The following GPHN variants were observed in gnomAD, a reference collection of about 807,000 sequenced individuals.
GPHN encodes the protein gephyrin.
A neutral mutation model predicts 95.5 loss-of-function variants in GPHN; 17 were observed. The ratio of observed to expected loss-of-function variants is 0.18; its 90% confidence interval spans 0.12 to 0.27. The LOEUF is 0.27. Ranked by LOEUF, GPHN falls within the 10% of genes least tolerant of loss-of-function variation. GPHN has a pLI of 1.00. For synonymous variants in GPHN, 320 were observed against 322.5 expected, an observed-to-expected ratio of 0.99 and a Z score of 0.08; for missense variants, 660 against 978.1, an observed-to-expected ratio of 0.67 and a Z score of 4.34.
chr14:67,503,471 A>G, the GPHN span: 110,721 of 152,088 alleles, frequency 0.73, 42,143 homozygotes, highest in Non-Finnish European at 0.85. Flanking sequence ...ATGACAGGGC[A>G]AAGGACGTCA....
the GPHN span, chr14:67,446,146 C>G: frequency 1.3e-5 from 6 of 459,026 alleles, no homozygotes; most frequent in African/African-American, 2.0e-5. Flanking sequence ...CCAGTTTTAG[C>G]TTGGCTTTTT....
intron 1 of GPHN, among the ~76,000 whole-genome samples, chr14:66,649,386 C>T (rs1026605691): frequency 2.9e-4 from 44 of 151,854 alleles, no homozygotes; most frequent in African/African-American, 1.1e-3. Context: ...GACCATGGAC[C>T]AGTAGCAGTC....
intron 1 of GPHN, among the ~76,000 whole-genome samples, chr14:66,666,432 C>G (rs2065963056): frequency 6.6e-6 from 1 of 151,558 alleles, no homozygotes; most frequent in Non-Finnish European, 1.5e-5. Flanking sequence ...AGCTTGTCCA[C>G]CAGAGTTAAA....
the GPHN span, among the ~76,000 whole-genome samples, chr14:67,224,254 C>CTT: frequency 6.9e-6 from 1 of 145,714 alleles, no homozygotes; most frequent in Non-Finnish European, 1.5e-5. Context: ...TCATTTCTCT[C>CTT]TTTTCTTTTT....
the GPHN span, among the ~76,000 whole-genome samples, chr14:67,378,407 A>C: frequency 2.0e-5 from 3 of 151,634 alleles, no homozygotes; most frequent in South Asian, 2.1e-4. Flanking sequence ...TTCTAACAAC[A>C]ACCTGTGGTA....
At chr14:66,761,509 T>C (rs1280061746) in intron 2 of GPHN, among the ~76,000 whole-genome samples, 1 of 152,182 alleles carries the variant, frequency 6.6e-6, no homozygotes, top group Non-Finnish European at 1.5e-5. Context: ...CATAATGACA[T>C]TGTTTGATGA....
chr14:66,611,353 A>C (rs1249728528), intron 1 of GPHN, among the ~76,000 whole-genome samples: 1 of 152,134 alleles, frequency 6.6e-6, no homozygotes, highest in African/African-American at 2.4e-5. Flanking sequence ...AAAGAAATTT[A>C]TTAGATAAGA....
At chr14:67,142,506 C>G (rs928994758) in intron 17 of GPHN, among the ~76,000 whole-genome samples, 1 of 152,170 alleles carries the variant, frequency 6.6e-6, no homozygotes, top group Non-Finnish European at 1.5e-5. Flanking sequence ...GCCTGTTGCA[C>G]TTGCCTTTTC....
chr14:67,407,443 TA>T, the GPHN span, among the ~76,000 whole-genome samples: 27 of 151,334 alleles, frequency 1.8e-4, no homozygotes, highest in East Asian at 4.1e-3. Context: ...TTTTTTTAAT[TA>T]AAAAAAATGT....
At chr14:67,161,090 C>G (rs1413826178) in intron 19 of GPHN, among the ~76,000 whole-genome samples, 2 of 152,010 alleles carry the variant, frequency 1.3e-5, no homozygotes, top group African/African-American at 4.8e-5. Context: ...CTCAGGAGTT[C>G]CAGACTATCC....
chr14:67,637,702 G>A, the GPHN span, among the ~76,000 whole-genome samples: 3 of 152,282 alleles, frequency 2.0e-5, no homozygotes, highest in East Asian at 5.8e-4. Flanking sequence ...TCATGTATTT[G>A]TTGATTCAGT....
At chr14:67,385,651 CTTTTTTCTT>C in the GPHN span, 1 of 140,984 alleles carries the variant, frequency 7.1e-6, no homozygotes, top group African/African-American at 2.7e-5. Flanking sequence ...ATTCAAACCA[CTTTTTTCTT>C]TTTTTTTTTT....
intron 1 of GPHN, among the ~76,000 whole-genome samples, chr14:66,646,644 G>A (rs754308184): frequency 6.6e-6 from 1 of 152,062 alleles, no homozygotes; most frequent in Non-Finnish European, 1.5e-5. Flanking sequence ...GACAAATATT[G>A]TATAATTCCA....
chr14:67,312,863 G>A, the GPHN span, among the ~76,000 whole-genome samples: 23,563 of 152,046 alleles, frequency 0.15, 3,448 homozygotes, highest in East Asian at 0.42. Context: ...TACCTGCAGC[G>A]TAAGTATATT....
At chr14:67,022,577 G>A (rs1290045893) in intron 9 of GPHN, among the ~76,000 whole-genome samples, 1 of 110,062 alleles carries the variant, frequency 9.1e-6, no homozygotes, top group African/African-American at 3.5e-5. Flanking sequence ...TGGTGTGTGT[G>A]TGTGTGTGTG....
At chr14:67,139,449 C>G (rs2080319984) in intron 17 of GPHN, among the ~76,000 whole-genome samples, 1 of 152,132 alleles carries the variant, frequency 6.6e-6, no homozygotes, top group African/African-American at 2.4e-5. Flanking sequence ...TCATTAGACT[C>G]TTTCTTTTAT....
At chr14:67,472,528 G>C in the GPHN span, 4 of 152,430 alleles carry the variant, frequency 2.6e-5, no homozygotes, top group African/African-American at 9.7e-5. Context: ...TAGACCGGGG[G>C]TAGGGAGGTG....
chr14:67,693,544 C>T, the GPHN span, among the ~76,000 whole-genome samples: 76 of 151,204 alleles, frequency 5.0e-4, no homozygotes, highest in East Asian at 0.014. Context: ...CACACGCATG[C>T]ACATACACAC....
intron 11 of GPHN, among the ~76,000 whole-genome samples, chr14:67,083,455 G>A (rs1312222159): frequency 6.6e-6 from 1 of 152,074 alleles, no homozygotes; most frequent in Non-Finnish European, 1.5e-5. Context: ...TAAGTTTCCT[G>A]AGGCCTCCCC....
Sources: gnomAD v4.1 joint callset for allele counts (sites outside exome capture counted in the v4.1 genomes callset) on GRCh38, gnomAD v4.1.1 for gene constraint, MANE v1.5 for transcripts, NCBI Gene and HGNC (gene_info 2026-07-23, HGNC 2026-07-21) for gene names.